The following SH3PXD2B variants were observed in gnomAD, a reference collection of about 807,000 sequenced individuals.
SH3PXD2B encodes SH3 and PX domains 2B.
SH3PXD2B carries 37 observed loss-of-function variants against 73.1 expected under a neutral mutation model. The ratio of observed to expected loss-of-function variants is 0.51; its 90% CI spans 0.39 to 0.67. The LOEUF (loss-of-function observed/expected upper bound fraction) is 0.67. SH3PXD2B is among the 30% of genes least tolerant of loss of function. The probability of loss-of-function intolerance (pLI) is 0.00; values close to 1 mark genes in which losing one functional copy is unlikely to be tolerated. For missense variants in SH3PXD2B, 1,053 were observed against 1,197.8 expected, an observed-to-expected ratio of 0.88 and a Z score of 1.78; for synonymous variants, 457 against 480.5, an observed-to-expected ratio of 0.95 and a Z score of 0.64.
intron 6 of SH3PXD2B, among the ~76,000 whole-genome samples, chr5:172,367,547 C>T (rs1214054354): frequency 2.6e-5 from 4 of 152,122 alleles, no homozygotes; most frequent in East Asian, 1.9e-4. Flanking sequence ...CTTATTAGAC[C>T]TTATCTCCTT....
rs1554087696 is a variant in SH3PXD2B at position 172,439,692 on chromosome 5, G to GCGCA, written c.75+14585_75+14586insTGCG. Among the ~76,000 whole-genome samples the GCGCA allele has an allele frequency of 5.3e-3, 733 of 138,582 alleles. 4 individuals are homozygous for GCGCA. The highest frequency in any genetic ancestry group is 0.019 in the African/African-American group (665 of 35,682). 90.9% of individuals were successfully genotyped at this position (138,582 alleles called of 152,430 possible). On this transcript the variant is annotated intron_variant, in intron 1 of 12. Coordinates refer to ENST00000311601, the MANE Select transcript of SH3PXD2B (RefSeq NM_001017995.3). ...TGTGCGTGCGTGCGCGCACGCGCGC[G>GCGCA]CACACACACACACACACACACACAC...
rs1756701533 is a variant in SH3PXD2B, at chr5:172,336,680, T to TGGGGC, written c.*1684_*1688dup. On this transcript the variant is annotated 3_prime_UTR_variant, in exon 13 of 13. Coordinates refer to ENST00000311601, the MANE Select transcript of SH3PXD2B (RefSeq NM_001017995.3). ...ATGAACACTGTGAACTGGAGATCTC[T>TGGGGC]GGGGCAGGGCAGGGTGGGGAGGGGC... is the stretch of plus-strand genomic sequence containing the variant. 1 of 152,566 alleles carries TGGGGC rather than the reference T, an allele frequency of 6.6e-6. No individual in the cohort carries two copies. The highest frequency in any genetic ancestry group is 7.8e-6 in the Non-Finnish European group (1 of 128,976). The allele number at this position is 152,566 out of a possible 1,614,324, so 9.5% of individuals were successfully genotyped here. A position where few individuals can be genotyped will look rare whatever the true frequency, so the allele number is the denominator to read the frequency against.
chr5:172,391,395 T>A (rs1346509726), intron 4 of SH3PXD2B, among the ~76,000 whole-genome samples: 2 of 152,258 alleles, frequency 1.3e-5, no homozygotes, highest in Non-Finnish European at 2.9e-5. Context: ...GTTCTTGGTG[T>A]ATGTTCAATA....
At chr5:172,426,304 G>A (rs1436311812) in intron 1 of SH3PXD2B, among the ~76,000 whole-genome samples, 2 of 152,204 alleles carry the variant, frequency 1.3e-5, no homozygotes, top group Non-Finnish European at 2.9e-5. Flanking sequence ...GGGCTGGTGA[G>A]AGAGCACACA....
intron 2 of SH3PXD2B, among the ~76,000 whole-genome samples, chr5:172,411,932 C>T (rs79404810): frequency 0.011 from 1,734 of 152,138 alleles, 13 homozygotes; most frequent in Middle Eastern, 0.041. Context: ...TCTCTGGAAC[C>T]TCTTCATCAT....
At chr5:172,406,196 A>C (rs1392035796) in intron 3 of SH3PXD2B, 81 bp downstream of exon 3, 10 of 1,446,752 alleles carry the variant, frequency 6.9e-6, no homozygotes, top group Non-Finnish European at 9.6e-6. Flanking sequence ...AAGGAAGACA[A>C]GCTGATAAAC....
At chr5:172,389,798 G>C (rs1758138758) in intron 4 of SH3PXD2B, among the ~76,000 whole-genome samples, 1 of 152,168 alleles carries the variant, frequency 6.6e-6, no homozygotes, top group South Asian at 2.1e-4. Flanking sequence ...GCAAAGAGCA[G>C]ATGCCAATCA....
chr5:172,415,174 A>C (rs942301863), intron 2 of SH3PXD2B, among the ~76,000 whole-genome samples: 2 of 152,170 alleles, frequency 1.3e-5, no homozygotes, highest in Non-Finnish European at 2.9e-5. Context: ...GCCTTCTGTG[A>C]GGGAAGCCCT....
chr5:172,434,570 A>G (rs1759323178), intron 1 of SH3PXD2B, among the ~76,000 whole-genome samples: 1 of 152,180 alleles, frequency 6.6e-6, no homozygotes. Context: ...AAAACAAGGT[A>G]AAAAGTTTTT....
At position 172,338,992 on chromosome 5, in the gene SH3PXD2B, C is replaced by T; in HGVS notation, c.2113G>A (p.Gly705Arg). 6.2e-7 allele frequency: 1 copy of T among 1,614,114 alleles called. No homozygotes were observed. Among genetic ancestry groups the T allele is most frequent in the South Asian group, 1.1e-5 (1 of 91,090 alleles). The part of the protein sequence containing the change: ...AFSRSFLPGE[G>R]PGRAQDRTGK... ...GTCCTGTCCTGGGCGCGGCCAGGCC[C>T]CTCTCCTGGGAGGAAGCTTCGGCTG... Residue 705 changes from glycine (G) to arginine (R), a missense_variant, in exon 13 of 13, where the codon GGG (glycine) becomes AGG (arginine). By Grantham distance (125) the Gly-to-Arg change is moderately radical. This residue lies in a region of SH3PXD2B where 587 missense variants were observed against 590.7 expected (regional missense o/e 0.99). Coordinates refer to ENST00000311601, the MANE Select transcript of SH3PXD2B (RefSeq NM_001017995.3). The surrounding 1 kb of genome is among the most constrained non-coding windows in gnomAD (Gnocchi z 5.1).
intron 2 of SH3PXD2B, among the ~76,000 whole-genome samples, chr5:172,407,806 C>T (rs540035752): frequency 5.8e-4 from 88 of 152,332 alleles, no homozygotes; most frequent in Non-Finnish European, 9.1e-4. Flanking sequence ...ATCTGCCAGA[C>T]ATGGGCTAGA....
intron 4 of SH3PXD2B, among the ~76,000 whole-genome samples, chr5:172,391,206 C>G (rs1561919341): frequency 6.6e-6 from 1 of 152,088 alleles, no homozygotes. Context: ...ATTGTCCTGT[C>G]TTGTTGATTA....
intron 1 of SH3PXD2B, among the ~76,000 whole-genome samples, chr5:172,431,326 C>T (rs1051623890): frequency 6.6e-6 from 1 of 152,234 alleles, no homozygotes; most frequent in Non-Finnish European, 1.5e-5. Context: ...AACCCGGAGC[C>T]GTGCTCCAAA....
At chr5:172,351,084 C>T (rs1757151455) in intron 9 of SH3PXD2B, among the ~76,000 whole-genome samples, 1 of 152,244 alleles carries the variant, frequency 6.6e-6, no homozygotes, top group African/African-American at 2.4e-5. Flanking sequence ...AGCTCAGTGT[C>T]CTCCCAAAAG....
At chr5:172,363,294 A>G (rs1757438237) in intron 6 of SH3PXD2B, among the ~76,000 whole-genome samples, 1 of 152,064 alleles carries the variant, frequency 6.6e-6, no homozygotes. Context: ...TCATCCATCA[A>G]CCATCTCATC....
intron 1 of SH3PXD2B, among the ~76,000 whole-genome samples, chr5:172,443,041 T>C (rs1759582833): frequency 6.6e-6 from 1 of 152,158 alleles, no homozygotes; most frequent in Non-Finnish European, 1.5e-5. Flanking sequence ...GTAAAACACA[T>C]AGATCCCAAA....
At chr5:172,371,831 G>A (rs551997627) in intron 6 of SH3PXD2B, among the ~76,000 whole-genome samples, 3 of 152,230 alleles carry the variant, frequency 2.0e-5, no homozygotes, top group South Asian at 2.1e-4. Context: ...CTGCATACTC[G>A]AAACCAGAAA....
chr5:172,344,862 G>A (rs1374814571), intron 12 of SH3PXD2B, among the ~76,000 whole-genome samples: 1 of 152,064 alleles, frequency 6.6e-6, no homozygotes, highest in Non-Finnish European at 1.5e-5. Context: ...GCAAGGCCTG[G>A]GCCAGATGTT....
At chr5:172,428,438 A>C (rs10073741) in intron 1 of SH3PXD2B, among the ~76,000 whole-genome samples, 11,083 of 152,286 alleles carry the variant, frequency 0.073, 1,021 homozygotes, top group African/African-American at 0.22. Flanking sequence ...AGTGCTGATG[A>C]AAATGCACGG....
Sources: allele counts gnomAD v4.1 joint callset (sites outside exome capture counted in the v4.1 genomes callset), GRCh38; gene constraint gnomAD v4.1.1; regional missense constraint gnomAD v4.1.1; non-coding constraint Gnocchi (gnomAD v3.1); transcripts MANE v1.5; gene names NCBI Gene and HGNC (gene_info 2026-07-23, HGNC 2026-07-21).